The following ITGA4 variants were observed in gnomAD, a reference collection of about 807,000 sequenced individuals.
The protein encoded by ITGA4 is integrin subunit alpha 4, also known as integrin alpha-4.
Under a neutral mutation model 133.6 loss-of-function variants are expected in ITGA4, and 63 were observed. The ratio of observed to expected loss-of-function variants is 0.47; its 90% confidence interval spans 0.38 to 0.58. ITGA4 has a LOEUF of 0.58. Ranked by LOEUF, ITGA4 falls within the 20% of genes least tolerant of loss-of-function variation. The pLI is 0.00. For synonymous variants in ITGA4, 483 were observed against 438.0 expected (o/e 1.10, Z -1.28); for missense variants, 1,076 against 1,252.7 (o/e 0.86, Z 2.13).
At chr2:181,511,829 G>A in intron 17 of ITGA4, 54 bp downstream of exon 17, 2 of 802,504 alleles carry the variant, frequency 2.5e-6, no homozygotes, top group Admixed American at 2.1e-5. Flanking sequence ...TGTAATGAGT[G>A]TGTGCATTTG....
At position 181,495,535 on chromosome 2, in the gene ITGA4, C is replaced by A; in HGVS notation, c.1385+119C>A. 1.2e-6 allele frequency: 1 copy of A among 801,552 alleles called. No individual in the cohort carries two copies. The highest frequency in any genetic ancestry group is 1.6e-5 in the South Asian group (1 of 64,214). 49.7% of individuals were successfully genotyped at this position (801,552 alleles called of 1,614,324 possible). The stretch of plus-strand genomic sequence containing the variant: ...ATGATGCTCTTTTGGTATTCTGAAG[C>A]TTAATTATTGATTTTTAGGGTATTT... On this transcript the variant is annotated intron_variant, in intron 13 of 27. Coordinates refer to ENST00000397033, the MANE Select transcript of ITGA4 (RefSeq NM_000885.6). The surrounding 1 kb of genome is among the most constrained non-coding windows in gnomAD (Gnocchi z 4.3).
intron 17 of ITGA4, among the ~76,000 whole-genome samples, chr2:181,521,791 G>A (rs947607482): frequency 4.6e-5 from 7 of 152,150 alleles, no homozygotes; most frequent in Middle Eastern, 3.4e-3. Flanking sequence ...TTCCTCCCTC[G>A]GTTCAGGCAG....
intron 15 of ITGA4, among the ~76,000 whole-genome samples, chr2:181,500,443 T>C (rs989311187): frequency 4.6e-5 from 7 of 152,118 alleles, no homozygotes; most frequent in African/African-American, 1.7e-4. Flanking sequence ...TTAACACTCT[T>C]AAGTTTCTAC....
At chr2:181,468,643 T>TA (rs1685479336) in intron 2 of ITGA4, among the ~76,000 whole-genome samples, 1 of 152,190 alleles carries the variant, frequency 6.6e-6, no homozygotes, top group African/African-American at 2.4e-5. Flanking sequence ...AGAATGTATT[T>TA]AACTAGCTTT....
At chr2:181,471,571 A>G (rs1292805940) in intron 2 of ITGA4, among the ~76,000 whole-genome samples, 2 of 152,194 alleles carry the variant, frequency 1.3e-5, no homozygotes, top group Non-Finnish European at 2.9e-5. Context: ...TAACAACTGT[A>G]TAGGAGATAT....
At chr2:181,462,463 C>T (rs1298820279) in intron 2 of ITGA4, among the ~76,000 whole-genome samples, 1 of 152,170 alleles carries the variant, frequency 6.6e-6, no homozygotes, top group Non-Finnish European at 1.5e-5. Flanking sequence ...ATTAGCTTAA[C>T]ATTAAATAGC....
chr2:181,470,570 C>T (rs1047084742), intron 2 of ITGA4, among the ~76,000 whole-genome samples: 1 of 152,112 alleles, frequency 6.6e-6, no homozygotes, highest in African/African-American at 2.4e-5. Flanking sequence ...TTGATTCTAA[C>T]GTCCAGTCAA....
At position 181,458,283 on chromosome 2, in the gene ITGA4, G is replaced by A; in HGVS notation, c.285G>A (p.Lys95=). The A allele has an allele frequency of 1.2e-6, 2 of 1,612,862 alleles. No homozygotes were observed. The highest frequency in any genetic ancestry group is 1.7e-6 in the Non-Finnish European group (2 of 1,179,468). Residue 95 remains lysine (K), a synonymous_variant, in exon 2 of 28, where the codon AAG becomes AAA. Transcript: ENST00000397033. ...CGATTTACAGATGCAGGATCGGAAA[G>A]AATCCCGGCCAGACGTGCGAACAGC... The part of the protein sequence containing the change: ...PGAIYRCRIG[K]NPGQTCEQLQ...
chr2:181,520,182 AGT>A (rs1686689403), intron 17 of ITGA4, among the ~76,000 whole-genome samples: 1 of 152,144 alleles, frequency 6.6e-6, no homozygotes. Context: ...GGTGGTTAAC[AGT>A]GAGTTTTGGC....
chr2:181,530,420 T>A, intron 23 of ITGA4, 104 bp from the exon 24 acceptor site: 1 of 1,013,636 alleles, frequency 9.9e-7, no homozygotes, highest in South Asian at 1.8e-5. Flanking sequence ...GTACTTGATA[T>A]ATTTTAGCAA....
rs114710246 is a variant in ITGA4, at chr2:181,480,785, G to A, written c.754+519G>A. On this transcript the variant is annotated intron_variant, in intron 6 of 27. Transcript: ENST00000397033. ...CAGCTCATTGACCTTCACCTCATAA[G>A]TTCTTAGAATATTTCCCAGAGCTTA... Among the ~76,000 whole-genome samples the A allele has an allele frequency of 8.3e-3, 1,260 of 152,194 alleles. 22 individuals carry two copies. The highest frequency in any genetic ancestry group is 0.029 in the African/African-American group (1,189 of 41,544).
chr2:181,523,597 C>T lies in ITGA4; in HGVS notation c.2169+65C>T. The T allele has an allele frequency of 2.4e-6, 2 of 845,764 alleles. No homozygotes were observed. Among genetic ancestry groups the T allele is most frequent in the Non-Finnish European group, 3.9e-6 (2 of 507,158 alleles). The allele number at this position is 845,764 out of a possible 1,614,324, so 52.4% of individuals were successfully genotyped here. On this transcript the variant is annotated intron_variant, in intron 19 of 27. Transcript: ENST00000397033. This position sits in a 1 kb window ranked among gnomAD's most constrained non-coding sequence, Gnocchi z 4.2. Reference sequence around the variant, plus strand: ...AATATTTTTTTCTATTCTTCCCTATCTTTAGGTTGCATAGAAAATATTATA... The same window carrying T: ...AATATTTTTTTCTATTCTTCCCTATTTTTAGGTTGCATAGAAAATATTATA...
chr2:181,483,755 T>C (rs1685854455), intron 9 of ITGA4, among the ~76,000 whole-genome samples: 1 of 152,242 alleles, frequency 6.6e-6, no homozygotes, highest in African/African-American at 2.4e-5. Flanking sequence ...CTTCCATTTC[T>C]ATCTCCAAAA....
intron 6 of ITGA4, 88 bp downstream of exon 6, chr2:181,480,354 G>T (rs1342766607): frequency 1.5e-6 from 1 of 677,342 alleles, no homozygotes; most frequent in East Asian, 3.1e-5. Context: ...ATTTTCCAAA[G>T]ATCTAAATGG....
At chr2:181,475,806 A>G (rs1685660752) in intron 4 of ITGA4, 2 of 1,594,406 alleles carry the variant, frequency 1.3e-6, no homozygotes, top group Admixed American at 3.5e-5. Flanking sequence ...TCTCATGGTA[A>G]CTCTATGCTA....
intron 2 of ITGA4, among the ~76,000 whole-genome samples, chr2:181,460,770 C>A (rs746623958): frequency 1.3e-5 from 2 of 151,744 alleles, no homozygotes; most frequent in Non-Finnish European, 2.9e-5. Flanking sequence ...AACAAGCAGG[C>A]TGAGGTTAAT....
rs1461353378 is a variant in ITGA4 at position 181,537,411 on chromosome 2, TTTG to T, written c.*1887_*1889del. ...AGATTTTGCCCAGTTCAAAATAGTATTTGTTATCAACTTACTTTGTTACTTGTA... is the reference window on the plus strand; with the variant it reads ...AGATTTTGCCCAGTTCAAAATAGTATTTATCAACTTACTTTGTTACTTGTA... On this transcript the variant is annotated 3_prime_UTR_variant, in exon 28 of 28. Coordinates refer to ENST00000397033, the MANE Select transcript of ITGA4 (RefSeq NM_000885.6). The T allele has an allele frequency of 6.7e-6, 3 of 449,376 alleles. No individual in the cohort carries two copies. Among genetic ancestry groups the T allele is most frequent in the Non-Finnish European group, 1.3e-5 (3 of 223,616 alleles). 27.8% of individuals were successfully genotyped at this position (449,376 alleles called of 1,614,324 possible). A position where few individuals can be genotyped will look rare whatever the true frequency, so the allele number is the denominator to read the frequency against.
chr2:181,493,094 T>C, intron 10 of ITGA4: 1 of 397,456 alleles, frequency 2.5e-6, no homozygotes, highest in Admixed American at 4.5e-5. Context: ...ATCATTTTGT[T>C]ACACTGCCTC....
At chr2:181,494,406 A>G (rs6705247) in intron 11 of ITGA4, among the ~76,000 whole-genome samples, 17,358 of 152,246 alleles carry the variant, frequency 0.11, 1,290 homozygotes, top group East Asian at 0.22. Context: ...CAGGAGTTCA[A>G]GGCCAGCCCA....
Sources: gnomAD v4.1 joint callset for allele counts (sites outside exome capture counted in the v4.1 genomes callset) on GRCh38, gnomAD v4.1.1 for gene constraint, Gnocchi (gnomAD v3.1) non-coding constraint, MANE v1.5 for transcripts, NCBI Gene and HGNC (gene_info 2026-07-23, HGNC 2026-07-21) for gene names.